Variants in RAB44 observed in about 807,000 individuals in gnomAD.
The protein encoded by RAB44 is RAB44, member RAS oncogene family, also known as ras-related protein Rab-44.
Under a neutral mutation model 93.3 loss-of-function variants are expected in RAB44, and 67 were observed. The ratio of observed to expected loss-of-function variants is 0.72; its 90% CI spans 0.59 to 0.88. RAB44 has a LOEUF of 0.88. Ranked by LOEUF, RAB44 falls within the 40% of genes least tolerant of loss-of-function variation. The pLI, the probability that RAB44 is intolerant of heterozygous loss-of-function variation, is 0.00. For synonymous variants in RAB44, 427 were observed against 520.3 expected (o/e 0.82, Z 2.44); for missense variants, 1,064 against 1,261.7 (o/e 0.84, Z 2.37).
chr6:36,727,448 G>A (rs2150341645), intron 10 of RAB44, 129 bp from the exon 11 acceptor site: 1 of 644,060 alleles, frequency 1.6e-6, no homozygotes, highest in South Asian at 1.8e-5. Flanking sequence ...TACACTGTAC[G>A]AAGAAAAGCA....
Position 36,704,270 on chromosome 6 carries a change from G to A in RAB44, c.35G>A (p.Arg12Gln), listed in dbSNP as rs1432024122. The change falls in exon 2 of 14, where the codon CGG becomes CAG. Residue 12 changes from arginine to glutamine, a missense_variant. Coordinates refer to ENST00000612677, the MANE Select transcript of RAB44 (RefSeq NM_001257357.2). ...GGACAGAGAACATCTCGAAAAGTCC[G>A]GAAGCTGGGCTCCAACCGGCGGCGG... ...ETGQRTSRKV[R>Q]KLGSNRRRQT... 58 of 1,536,024 alleles carry A rather than the reference G, an allele frequency of 3.8e-5. No individual in the cohort carries two copies. Among genetic ancestry groups the A allele is most frequent in the East Asian group, 3.7e-4 (15 of 40,930 alleles).
chr6:36,713,802 C>T, intron 2 of RAB44, 26 bp from the exon 3 acceptor site: 13 of 1,451,468 alleles, frequency 9.0e-6, no homozygotes, highest in Non-Finnish European at 1.2e-5. Context: ...GTGGGAACAC[C>T]TGCCCAACTT....
intron 1 of RAB44, among the ~76,000 whole-genome samples, chr6:36,701,612 A>G (rs1467988206): frequency 6.6e-6 from 1 of 152,096 alleles, no homozygotes; most frequent in Non-Finnish European, 1.5e-5. Context: ...GCCCTCTCTG[A>G]CACCCTGATC....
intron 9 of RAB44, among the ~76,000 whole-genome samples, chr6:36,724,950 A>G (rs888688011): frequency 3.9e-5 from 6 of 152,238 alleles, no homozygotes; most frequent in Admixed American, 1.3e-4. Context: ...GGACGGGACC[A>G]GATAGAGAAT....
rs981200688 is a variant in RAB44 at position 36,720,568 on chromosome 6, C to T, written c.1016+18C>T. On this transcript the variant is annotated intron_variant, in intron 8 of 13. Coordinates refer to ENST00000612677, the MANE Select transcript of RAB44 (RefSeq NM_001257357.2). ...AAACTGAGGCAAGTGGCTGCTATCC[C>T]TGGACTGGGGTGGACTCTAAGGGCC... 8.1e-7 allele frequency: 1 copy of T among 1,233,892 alleles called. No homozygotes were observed. Among genetic ancestry groups the T allele is most frequent in the Non-Finnish European group, 1.0e-6 (1 of 987,924 alleles). The allele number at this position is 1,233,892 out of a possible 1,614,324, so 76.4% of individuals were successfully genotyped here.
chr6:36,724,549 C>A (rs1184512364), intron 9 of RAB44, among the ~76,000 whole-genome samples: 1 of 152,188 alleles, frequency 6.6e-6, no homozygotes, highest in Non-Finnish European at 1.5e-5. Flanking sequence ...CTTACAACAG[C>A]CTTCCTTAGA....
chr6:36,704,088 C>T (rs1046448293), intron 1 of RAB44, 136 bp from the exon 2 acceptor site: 25 of 756,010 alleles, frequency 3.3e-5, no homozygotes, highest in African/African-American at 8.7e-5. Flanking sequence ...GAGGACCCGG[C>T]GGGACACCAT....
chr6:36,713,046 C>T lies in RAB44; in HGVS notation c.208-782C>T, dbSNP rs916748416. On this transcript the variant is annotated intron_variant, in intron 2 of 13. Coordinates refer to ENST00000612677, the MANE Select transcript of RAB44 (RefSeq NM_001257357.2). ...CATGACGTGCACTTGTGCAGCCACG[C>T]AGGCTGCTTGATTCTGCCAGAGGAG... Among the ~76,000 whole-genome samples, 4 of 152,232 alleles carry T rather than the reference C, an allele frequency of 2.6e-5. No individual in the cohort carries two copies. The East Asian group carries it at 7.7e-4, about 29-fold the overall frequency.
chr6:36,720,884 T>C (rs1401079059), intron 8 of RAB44, among the ~76,000 whole-genome samples: 2 of 152,148 alleles, frequency 1.3e-5, no homozygotes, highest in East Asian at 3.9e-4. Flanking sequence ...ACTCTACTTG[T>C]TATAGCTCAG....
chr6:36,730,784 C>A (rs13199451), intron 13 of RAB44, 35 bp downstream of exon 13: 400,277 of 1,095,254 alleles, frequency 0.37, 70,970 homozygotes, highest in Non-Finnish European at 0.39. Context: ...CCCCCACCCC[C>A]CCCCTTGCAG....
At chr6:36,714,638 G>T (rs1159589368) in intron 3 of RAB44, among the ~76,000 whole-genome samples, 1 of 152,264 alleles carries the variant, frequency 6.6e-6, no homozygotes, top group Non-Finnish European at 1.5e-5. Flanking sequence ...GAAGCTGAGA[G>T]TGGGGAGGAG....
chr6:36,704,648 A>G (rs1351976259), intron 2 of RAB44, among the ~76,000 whole-genome samples: 1 of 152,248 alleles, frequency 6.6e-6, no homozygotes, highest in Non-Finnish European at 1.5e-5. Flanking sequence ...AACATTTGTC[A>G]TTTAACCAGC....
chr6:36,724,840 C>T (rs934004666), intron 9 of RAB44, among the ~76,000 whole-genome samples: 14 of 152,168 alleles, frequency 9.2e-5, no homozygotes, highest in Non-Finnish European at 2.9e-5. Flanking sequence ...AGGAAATGAT[C>T]CTGCCTTCAT....
chr6:36,719,261 G>C (rs141552910), intron 7 of RAB44, among the ~76,000 whole-genome samples: 2 of 152,242 alleles, frequency 1.3e-5, no homozygotes, highest in South Asian at 4.1e-4. Context: ...AAGATTCCTC[G>C]AGCCGTCCTC....
chr6:36,723,856 C>CAAAAAAAAAAAAAAAAAA (rs1202713677), intron 9 of RAB44, among the ~76,000 whole-genome samples: 18 of 73,346 alleles, frequency 2.5e-4, no homozygotes, highest in Non-Finnish European at 4.9e-4. Context: ...AAAAAAAAAG[C>CAAAAAAAAAAAAAAAAAA]AAACCCGAGG....
At chr6:36,698,988 G>C (rs868121624) in intron 1 of RAB44, among the ~76,000 whole-genome samples, 1 of 152,140 alleles carries the variant, frequency 6.6e-6, no homozygotes, top group Admixed American at 6.5e-5. Context: ...CTGTCAGGCC[G>C]TGGGGGTGCT....
intron 2 of RAB44, 66 bp from the exon 3 acceptor site, chr6:36,713,762 C>A: frequency 1.0e-6 from 1 of 997,200 alleles, no homozygotes; most frequent in South Asian, 1.4e-5. Flanking sequence ...ACAAACATCT[C>A]TCCGTTTTGG....
chr6:36,722,929 G>GT (rs1456136948), intron 9 of RAB44, among the ~76,000 whole-genome samples, 196 bp downstream of exon 9: 1 of 152,248 alleles, frequency 6.6e-6, no homozygotes, highest in African/African-American at 2.4e-5. Context: ...CAGGTAATTT[G>GT]TTTTTTCTGC....
At chr6:36,704,080 G>A (rs559742791) in intron 1 of RAB44, 144 bp from the exon 2 acceptor site, 3 of 704,760 alleles carry the variant, frequency 4.3e-6, no homozygotes, top group Middle Eastern at 4.0e-4. Flanking sequence ...CGAGGTCAGA[G>A]GACCCGGCGG....
Sources: allele counts gnomAD v4.1 joint callset (sites outside exome capture counted in the v4.1 genomes callset), GRCh38; gene constraint gnomAD v4.1.1; transcripts MANE v1.5; gene names NCBI Gene and HGNC (gene_info 2026-07-23, HGNC 2026-07-21).